Variants in LRRC36 observed in about 807,000 individuals in gnomAD.
LRRC36 encodes leucine-rich repeat-containing protein 36.
LRRC36 carries 62 observed loss-of-function variants against 81.1 expected under a neutral mutation model. The ratio of observed to expected loss-of-function variants is 0.76; its 90% CI spans 0.62 to 0.94. The LOEUF is 0.94. Among genes scored for constraint, LRRC36 ranks in the 40% least tolerant of loss-of-function variants. The pLI, the probability that LRRC36 is intolerant of heterozygous loss-of-function variation, is 0.00. For synonymous variants in LRRC36, 334 were observed against 348.6 expected (o/e 0.96, Z 0.47); for missense variants, 761 against 881.7 (o/e 0.86, Z 1.73).
At chr16:67,331,206 C>A (rs950057754) in intron 1 of LRRC36, among the ~76,000 whole-genome samples, 1 of 152,146 alleles carries the variant, frequency 6.6e-6, no homozygotes, top group African/African-American at 2.4e-5. Flanking sequence ...CTAATCACCT[C>A]TTAGAGGCCC....
chr16:67,329,604 T>C lies in LRRC36; in HGVS notation c.70+2672T>C, dbSNP rs368776160. Among the ~76,000 whole-genome samples the C allele has an allele frequency of 2.6e-5, 4 of 152,288 alleles. No individual in the cohort carries two copies. The South Asian group carries it at 8.3e-4, about 32-fold the overall frequency. On this transcript the variant is annotated intron_variant, in intron 1 of 13. Transcript: ENST00000329956. ...CTAACTAGTGTTCTTATTTCCCCAG[T>C]TGTCCTATAATTTTTTAAAATTAGA...
chr16:67,336,900 T>A (rs531389077), intron 1 of LRRC36, among the ~76,000 whole-genome samples: 56 of 152,184 alleles, frequency 3.7e-4, no homozygotes, highest in Non-Finnish European at 7.1e-4. Flanking sequence ...ACCAAGTAGC[T>A]AGGACTACTG....
chr16:67,353,533 C>T (rs1243521756), intron 5 of LRRC36, among the ~76,000 whole-genome samples: 2 of 151,974 alleles, frequency 1.3e-5, no homozygotes, highest in African/African-American at 2.4e-5. Flanking sequence ...ATTACAGGTG[C>T]GCACCAACAT....
chr16:67,365,087 T>C lies in LRRC36; in HGVS notation c.703-217T>C. The C allele has an allele frequency of 4.0e-6, 2 of 500,318 alleles. 1 individual carries two copies. 31.0% of individuals were successfully genotyped at this position (500,318 alleles called of 1,614,324 possible). ...GTACAGTCATTGTTTGCTATGTCCT[T>C]TACTTCCTAAGGATATTCAAGCAAC... On this transcript the variant is annotated intron_variant, in intron 6 of 13. Transcript: ENST00000329956.
rs776178910 is a variant in LRRC36, at chr16:67,367,052, C to T, written c.790C>T (p.Arg264Ter). 6 of 1,613,392 alleles carry T rather than the reference C, an allele frequency of 3.7e-6. No homozygotes were observed. The highest frequency in any genetic ancestry group is 1.1e-5 in the South Asian group (1 of 90,950). Residue 264 changes from arginine (R) to a stop codon, truncating the protein, a stop_gained, in exon 8 of 14, where the codon CGA becomes TGA. Coordinates refer to ENST00000329956, the MANE Select transcript of LRRC36 (RefSeq NM_018296.6). LOFTEE classifies it high-confidence loss of function. ...CTACTCGCCTCGTCAGTCCACAGTC[C>T]GATCCCCAGAGAAGATGACTAGAGA... ...RHYSPRQSTV[R>*]SPEKMTREGY... is the part of the protein sequence containing the mutation.
intron 8 of LRRC36, among the ~76,000 whole-genome samples, chr16:67,369,906 G>C (rs1597488739): frequency 6.6e-6 from 1 of 152,268 alleles, no homozygotes; most frequent in South Asian, 2.1e-4. Flanking sequence ...TTTGGGTGGG[G>C]ACACAGCCAA....
intron 12 of LRRC36, among the ~76,000 whole-genome samples, chr16:67,379,175 G>T (rs2040022003): frequency 3.3e-5 from 5 of 152,166 alleles, no homozygotes; most frequent in Admixed American, 3.3e-4. Flanking sequence ...TGCAATCCCA[G>T]CACTTTGGGA....
At chr16:67,357,396 A>G (rs2038949207) in intron 5 of LRRC36, among the ~76,000 whole-genome samples, 1 of 152,206 alleles carries the variant, frequency 6.6e-6, no homozygotes, top group African/African-American at 2.4e-5. Flanking sequence ...TTTTATTGGT[A>G]ATTAGCAATG....
intron 3 of LRRC36, 100 bp downstream of exon 3, chr16:67,346,548 A>G (rs1481254453): frequency 4.5e-5 from 27 of 595,310 alleles, no homozygotes; most frequent in East Asian, 2.8e-5. Context: ...CTGGCAGGAT[A>G]TATTTGTTTA....
At chr16:67,342,332 A>G (rs1597440066) in intron 2 of LRRC36, among the ~76,000 whole-genome samples, 1 of 152,232 alleles carries the variant, frequency 6.6e-6, no homozygotes, top group East Asian at 1.9e-4. Context: ...TGTCTAGGGC[A>G]AATGCATAAA....
intron 2 of LRRC36, among the ~76,000 whole-genome samples, chr16:67,345,564 C>A (rs916836505): frequency 1.3e-5 from 2 of 152,080 alleles, no homozygotes; most frequent in African/African-American, 4.8e-5. Flanking sequence ...CAAGGAAGAA[C>A]ATTTCTGCAA....
intron 1 of LRRC36, among the ~76,000 whole-genome samples, chr16:67,341,527 C>A (rs906129017): frequency 6.6e-6 from 1 of 151,698 alleles, no homozygotes; most frequent in Non-Finnish European, 1.5e-5. Flanking sequence ...TATTTTTCTG[C>A]TGATGGACCT....
chr16:67,341,030 A>ATAG (rs2038034570), intron 1 of LRRC36, among the ~76,000 whole-genome samples: 1 of 122,848 alleles, frequency 8.1e-6, no homozygotes, highest in African/African-American at 3.2e-5. Flanking sequence ...TATGTACTCT[A>ATAG]CATATTCTAT....
chr16:67,347,648 A>T, intron 4 of LRRC36, 57 bp downstream of exon 4: 2 of 1,218,456 alleles, frequency 1.6e-6, no homozygotes, highest in Non-Finnish European at 2.4e-6. Flanking sequence ...GGAAATAGTG[A>T]ATTCCTGCTT....
intron 5 of LRRC36, among the ~76,000 whole-genome samples, chr16:67,359,150 T>C (rs776220415): frequency 6.6e-6 from 1 of 152,178 alleles, no homozygotes; most frequent in Non-Finnish European, 1.5e-5. Context: ...TTAAATTTGA[T>C]CCAGCAATTC....
rs764490861 is a variant in LRRC36 at position 67,367,264 on chromosome 16, C to T, written c.1002C>T (p.Asp334=). Residue 334 remains aspartate, a synonymous_variant, in exon 8 of 14, where the codon GAC becomes GAT. Transcript: ENST00000329956. ...LPSDVGLENY[D]SCYSQTLSLH... is the part of the protein sequence containing the mutation. ...CAGATGTTGGTCTGGAAAATTATGA[C>T]AGTTGTTATTCTCAAACTCTATCCC... The T allele has an allele frequency of 1.2e-6, 2 of 1,614,180 alleles. No individual in the cohort carries two copies. Among genetic ancestry groups the T allele is most frequent in the Non-Finnish European group, 1.7e-6 (2 of 1,180,030 alleles).
At chr16:67,378,562 A>T (rs2039997298) in intron 11 of LRRC36, 27 bp from the exon 12 acceptor site, 2 of 1,610,368 alleles carry the variant, frequency 1.2e-6, no homozygotes, top group East Asian at 4.5e-5. Flanking sequence ...TTCTTAATGT[A>T]TTTGTATTTT....
chr16:67,378,505 G>T, intron 11 of LRRC36, 84 bp from the exon 12 acceptor site: 1 of 1,337,540 alleles, frequency 7.5e-7, no homozygotes, highest in Non-Finnish European at 1.0e-6. Flanking sequence ...CTCCCAAAGT[G>T]CTAGGATTAC....
At chr16:67,333,945 T>C (rs184766606) in intron 1 of LRRC36, among the ~76,000 whole-genome samples, 1 of 152,168 alleles carries the variant, frequency 6.6e-6, no homozygotes, top group Admixed American at 6.5e-5. Context: ...CTAAAGTCCA[T>C]AGTTTACATT....
Sources: allele counts gnomAD v4.1 joint callset (sites outside exome capture counted in the v4.1 genomes callset), GRCh38; gene constraint gnomAD v4.1.1; transcripts MANE v1.5; gene names NCBI Gene and HGNC (gene_info 2026-07-23, HGNC 2026-07-21).